The following TARS3 variants were observed in gnomAD, a reference collection of about 807,000 sequenced individuals.
TARS3 encodes threonyl-tRNA synthetase 3, also known as threonine--tRNA ligase 2, cytoplasmic.
Under a neutral mutation model 103.5 loss-of-function variants are expected in TARS3, and 94 were observed. The ratio of observed to expected loss-of-function variants is 0.91; its 90% CI spans 0.77 to 1.08. The LOEUF (loss-of-function observed/expected upper bound fraction) is 1.08, where lower values mean the gene tolerates loss of function less well. Among genes scored for constraint, TARS3 ranks in the 50% least tolerant of loss-of-function variants. The pLI, the probability that TARS3 is intolerant of heterozygous loss-of-function variation, is 0.00. For synonymous variants in TARS3, 416 were observed against 355.4 expected (o/e 1.17, Z -1.92); for missense variants, 952 against 995.2 (o/e 0.96, Z 0.58).
Position 101,708,899 on chromosome 15 carries a change from C to T in TARS3, c.824G>A (p.Ser275Asn). Reference sequence around the variant, plus strand: ...ATTCTCCAGGGCTGACAATTCTGTGCTGGACACTGCTCTAAAAAGAAGAGC... The same window carrying T: ...ATTCTCCAGGGCTGACAATTCTGTGTTGGACACTGCTCTAAAAAGAAGAGC... ...DMFIEDRAVS[S>N]TELSALENIC... The change falls in exon 6 of 19, where the codon AGC (serine) becomes AAC (asparagine). Residue 275 changes from serine to asparagine, a missense_variant. Coordinates refer to ENST00000335968, the MANE Select transcript of TARS3 (RefSeq NM_152334.3). The T allele has an allele frequency of 1.3e-6, 2 of 1,587,138 alleles. No homozygotes were observed. Among genetic ancestry groups the T allele is most frequent in the Non-Finnish European group, 1.7e-6 (2 of 1,169,316 alleles).
chr15:101,684,582 C>T (rs150749708), intron 11 of TARS3, among the ~76,000 whole-genome samples: 3,701 of 152,236 alleles, frequency 0.024, 59 homozygotes, highest in Non-Finnish European at 0.032. Flanking sequence ...GGCAGTTTCT[C>T]CTCACGTTCC....
intron 15 of TARS3, among the ~76,000 whole-genome samples, chr15:101,667,852 C>T (rs972331366): frequency 5.3e-5 from 8 of 152,188 alleles, no homozygotes; most frequent in African/African-American, 1.9e-4. Flanking sequence ...CCTCTGCCTC[C>T]CAAAGTGCTG....
chr15:101,708,950 C>T (rs1044600590), intron 5 of TARS3, 40 bp from the exon 6 acceptor site: 9 of 1,270,694 alleles, frequency 7.1e-6, no homozygotes, highest in Admixed American at 2.3e-5. Context: ...ATCTTCCAGA[C>T]ATTATGCATT....
At position 101,722,138 on chromosome 15, in the gene TARS3, G is replaced by A. The variant is rs142932623; in HGVS notation, c.370-816C>T. 4.3e-3 allele frequency among the ~76,000 whole-genome samples: 658 copies of A among 151,430 alleles called. 1 individual carries two copies. The highest frequency in any genetic ancestry group is 0.015 in the African/African-American group (638 of 41,206). On this transcript the variant is annotated intron_variant, in intron 2 of 18. Coordinates refer to ENST00000335968, the MANE Select transcript of TARS3 (RefSeq NM_152334.3). ...TCCCACCTCCAAAAGGCTCCTCTCT[G>A]CCTATCTAACTTCTCCTTAGCTCTA...
At chr15:101,721,008 C>T in intron 3 of TARS3, 118 bp downstream of exon 3, 3 of 846,942 alleles carry the variant, frequency 3.5e-6, no homozygotes, top group Middle Eastern at 2.4e-4. Context: ...CAGTCTCAGA[C>T]ATGTCCTTTT....
At chr15:101,704,760 C>G (rs987596248) in intron 7 of TARS3, among the ~76,000 whole-genome samples, 1 of 150,780 alleles carries the variant, frequency 6.6e-6, no homozygotes, top group African/African-American at 2.4e-5. Flanking sequence ...CAAAAAGTGT[C>G]AATGTTGACG....
chr15:101,656,845 CAT>C, intron 18 of TARS3, 75 bp downstream of exon 18: 1 of 845,466 alleles, frequency 1.2e-6, no homozygotes. Context: ...GTAGTTGAAC[CAT>C]ATTTCTTATT....
At chr15:101,702,632 C>T (rs1356685160) in intron 8 of TARS3, among the ~76,000 whole-genome samples, 2 of 152,142 alleles carry the variant, frequency 1.3e-5, no homozygotes, top group Non-Finnish European at 1.5e-5. Context: ...TAGCCAGGCA[C>T]GATGGCACAT....
Position 101,714,715 on chromosome 15 carries a change from CAA to C in TARS3, c.690+123_690+124del, listed in dbSNP as rs994138522. The C allele has an allele frequency of 4.3e-6, 3 of 698,052 alleles. No individual in the cohort carries two copies. The African/African-American group carries it at 5.8e-5, about 13-fold the overall frequency. The allele number at this position is 698,052 out of a possible 1,614,324, so 43.2% of individuals were successfully genotyped here. ...CAAATATTTATTAAACATCAATAAT[CAA>C]ATTTTAAATCTTAGAAACCCCCAAA... On this transcript the variant is annotated intron_variant, in intron 4 of 18. Transcript: ENST00000335968.
chr15:101,710,583 T>C (rs1173205794), intron 5 of TARS3, among the ~76,000 whole-genome samples: 1 of 152,162 alleles, frequency 6.6e-6, no homozygotes, highest in Admixed American at 6.5e-5. Flanking sequence ...CACTGGCCAT[T>C]GATTTGGGAA....
Position 101,707,880 on chromosome 15 carries a change from C to A in TARS3, c.930+913G>T, listed in dbSNP as rs920609138. Among the ~76,000 whole-genome samples the A allele has an allele frequency of 6.0e-4, 91 of 152,100 alleles. 1 individual carries two copies. The highest frequency in any genetic ancestry group is 2.1e-3 in the African/African-American group (88 of 41,410). On this transcript the variant is annotated intron_variant, in intron 6 of 18. Coordinates refer to ENST00000335968, the MANE Select transcript of TARS3 (RefSeq NM_152334.3). ...TTTTACTGCACAAAAAAGAATACTG[C>A]AATTTTTTACCAAAACCAACTCTAT... is the stretch of plus-strand genomic sequence containing the variant.
At chr15:101,665,613 C>G (rs1429883421) in intron 15 of TARS3, among the ~76,000 whole-genome samples, 1 of 152,068 alleles carries the variant, frequency 6.6e-6, no homozygotes, top group African/African-American at 2.4e-5. Context: ...GTGTAGATGA[C>G]AGGAAAGCTC....
At chr15:101,658,396 GAA>G (rs139414116) in intron 16 of TARS3, among the ~76,000 whole-genome samples, 2 of 138,398 alleles carry the variant, frequency 1.4e-5, no homozygotes, top group Admixed American at 7.2e-5. Context: ...TCCACTGAGT[GAA>G]AAAAAAAAAG....
chr15:101,685,489 T>C (rs1898430100), intron 11 of TARS3, among the ~76,000 whole-genome samples: 4 of 152,202 alleles, frequency 2.6e-5, no homozygotes. Context: ...AAATGGTATC[T>C]TGGAATCAGT....
chr15:101,697,903 C>T (rs1376615919), intron 10 of TARS3, among the ~76,000 whole-genome samples: 3 of 152,020 alleles, frequency 2.0e-5, no homozygotes, highest in East Asian at 3.8e-4. Flanking sequence ...TTTATCTAAC[C>T]GTGTTGATGA....
intron 10 of TARS3, among the ~76,000 whole-genome samples, chr15:101,686,590 CAGG>C (rs1898485705): frequency 6.6e-6 from 1 of 152,242 alleles, no homozygotes. Context: ...TTACTGGAGA[CAGG>C]AGAAGAGAGT....
At chr15:101,675,913 C>T (rs976579754) in intron 12 of TARS3, among the ~76,000 whole-genome samples, 176 bp from the exon 13 acceptor site, 6 of 152,014 alleles carry the variant, frequency 3.9e-5, no homozygotes, top group African/African-American at 2.4e-5. Flanking sequence ...GTGCTAGGCA[C>T]GTGCAGGGAA....
In TARS3 at chr15:101,669,787, C is replaced by T. The variant is rs142986649; in HGVS notation, c.1967+1699G>A. Among the ~76,000 whole-genome samples the T allele has an allele frequency of 2.8e-3, 424 of 152,274 alleles. 2 individuals carry two copies. The highest frequency in any genetic ancestry group is 9.7e-3 in the African/African-American group (403 of 41,550). The stretch of plus-strand genomic sequence containing the variant: ...TAGTAGGCTCTACCACCCAGGTTTG[C>T]GTAAGCACACTCGGTGATGTTCACA... On this transcript the variant is annotated intron_variant, in intron 15 of 18. Transcript: ENST00000335968.
chr15:101,705,831 A>C, intron 6 of TARS3, 84 bp from the exon 7 acceptor site: 1 of 1,147,998 alleles, frequency 8.7e-7, no homozygotes, highest in South Asian at 1.3e-5. Context: ...AGAAACATTG[A>C]AAGGTCATCT....
Sources: allele counts gnomAD v4.1 joint callset (sites outside exome capture counted in the v4.1 genomes callset), GRCh38; gene constraint gnomAD v4.1.1; transcripts MANE v1.5; gene names NCBI Gene and HGNC (gene_info 2026-07-23, HGNC 2026-07-21).